MAEL: variants seen among roughly 807,000 people sequenced by gnomAD.
MAEL encodes the protein protein maelstrom homolog.
A neutral mutation model predicts 62.0 loss-of-function variants in MAEL; 46 were observed. That is an observed-to-expected ratio of 0.74 (90% CI 0.59 to 0.95). The LOEUF (loss-of-function observed/expected upper bound fraction) is 0.95, where lower values mean the gene tolerates loss of function less well. MAEL is among the 40% of genes least tolerant of loss of function. The pLI is 0.00. For synonymous variants in MAEL, 172 were observed against 175.5 expected (o/e 0.98, Z 0.16); for missense variants, 497 against 526.8 (o/e 0.94, Z 0.55).
At chr1:167,008,389 CT>C (rs1472265090) in intron 8 of MAEL, among the ~76,000 whole-genome samples, 5 of 151,926 alleles carry the variant, frequency 3.3e-5, no homozygotes, top group Non-Finnish European at 5.9e-5. Flanking sequence ...TGTTATATAG[CT>C]TTTCAAAGTT....
In MAEL at chr1:167,004,160, C is replaced by T; in HGVS notation, c.524-20C>T. ...TTTATCTTGCTCAAAGTTTGAACTT[C>T]TCCTTTTTATTTCCCTCAGGTGATT... On this transcript the variant is annotated intron_variant, in intron 5 of 11. Coordinates refer to ENST00000367872, the MANE Select transcript of MAEL (RefSeq NM_032858.3). 5 of 1,596,664 alleles carry T rather than the reference C, an allele frequency of 3.1e-6. 1 individual carries two copies. Among genetic ancestry groups the T allele is most frequent in the South Asian group, 2.3e-5 (2 of 87,112 alleles).
At chr1:167,007,597 G>GTA (rs765678423) in intron 8 of MAEL, among the ~76,000 whole-genome samples, 1 of 55,576 alleles carries the variant, frequency 1.8e-5, no homozygotes, top group Non-Finnish European at 3.4e-5. Flanking sequence ...GTGTGTGTGT[G>GTA]TATGTACACA....
chr1:166,994,025 T>C lies in MAEL; in HGVS notation c.482-3T>C, dbSNP rs764932619. ...CTTCTCAACAAGATATTTTGTATTA[T>C]AGGTGAAATTCCACGAGGATTTCGA... On this transcript the variant is annotated splice_polypyrimidine_tract_variant and splice_region_variant and intron_variant, in intron 4 of 11. Transcript: ENST00000367872. 6 of 1,612,604 alleles carry C rather than the reference T, an allele frequency of 3.7e-6. No homozygotes were observed. In the African/African-American group the frequency reaches 4.0e-5, roughly 11 times the overall value.
chr1:167,020,505 A>G (rs760891849), intron 10 of MAEL, among the ~76,000 whole-genome samples: 5 of 151,266 alleles, frequency 3.3e-5, no homozygotes, highest in Admixed American at 2.0e-4. Context: ...TTAATTTCCT[A>G]CTCTCCTAGA....
chr1:167,017,275 CATAAAAA>C, intron 9 of MAEL, among the ~76,000 whole-genome samples: 1 of 152,182 alleles, frequency 6.6e-6, no homozygotes, highest in East Asian at 1.9e-4. Context: ...ACTATGTACT[CATAAAAA>C]ATAAAAATAA....
At chr1:166,990,065 C>T in intron 2 of MAEL, 1 of 470,108 alleles carries the variant, frequency 2.1e-6, no homozygotes, top group Non-Finnish European at 3.8e-6. Context: ...CTGGGGAATT[C>T]CTGTTAGGAA....
Position 166,992,861 on chromosome 1 carries a change from G to A in MAEL, c.481+20G>A. The A allele has an allele frequency of 6.4e-7, 1 of 1,552,538 alleles. No individual in the cohort carries two copies. The highest frequency in any genetic ancestry group is 8.6e-7 in the Non-Finnish European group (1 of 1,158,178). On this transcript the variant is annotated intron_variant, in intron 4 of 11. Coordinates refer to ENST00000367872, the MANE Select transcript of MAEL (RefSeq NM_032858.3). ...ATCCTGGTAAGTAGTCAGAGTAGAT[G>A]CTAGATCTTAAACGTGTATGGTTTT... is the stretch of plus-strand genomic sequence containing the variant.
At chr1:166,998,906 G>A (rs181046445) in intron 5 of MAEL, among the ~76,000 whole-genome samples, 20 of 152,254 alleles carry the variant, frequency 1.3e-4, no homozygotes, top group Admixed American at 1.2e-3. Context: ...TCTGTGATCA[G>A]TGATCCTTGA....
intron 1 of MAEL, among the ~76,000 whole-genome samples, chr1:166,981,456 C>T (rs183135905): frequency 6.6e-6 from 1 of 152,122 alleles, no homozygotes; most frequent in African/African-American, 2.4e-5. Flanking sequence ...CCCCTTATGT[C>T]AAATAGCTTA....
intron 8 of MAEL, among the ~76,000 whole-genome samples, chr1:167,007,841 T>C (rs1487878452): frequency 6.6e-6 from 1 of 152,136 alleles, no homozygotes; most frequent in Non-Finnish European, 1.5e-5. Context: ...GTTTAGAGTT[T>C]GTTTATAATC....
intron 3 of MAEL, among the ~76,000 whole-genome samples, chr1:166,992,213 A>G (rs1664206776): frequency 4.6e-5 from 7 of 152,174 alleles, no homozygotes; most frequent in Admixed American, 4.6e-4. Flanking sequence ...ACATTCTCAC[A>G]TTCCTTTATT....
chr1:167,012,684 G>C (rs1665218210), intron 8 of MAEL, among the ~76,000 whole-genome samples: 1 of 152,222 alleles, frequency 6.6e-6, no homozygotes, highest in Non-Finnish European at 1.5e-5. Context: ...CCACTTTATA[G>C]AATGGTCAAG....
At chr1:167,013,446 C>T (rs1557986216) in intron 8 of MAEL, among the ~76,000 whole-genome samples, 2 of 152,114 alleles carry the variant, frequency 1.3e-5, no homozygotes, top group African/African-American at 2.4e-5. Context: ...TCATCAGTGT[C>T]GATGAGGGTT....
In MAEL at chr1:166,991,422, A is replaced by C; in HGVS notation, c.270A>C (p.Pro90=). 6.2e-7 allele frequency: 1 copy of C among 1,613,568 alleles called. No individual in the cohort carries two copies. Among genetic ancestry groups the C allele is most frequent in the Non-Finnish European group, 8.5e-7 (1 of 1,179,574 alleles). Reference sequence around the variant, plus strand: ...TGAGGAGGCCAGGCATGCTTGTACCAAAGCAGAATGTTTCACCTCCAGATA... The same window carrying C: ...TGAGGAGGCCAGGCATGCTTGTACCCAAGCAGAATGTTTCACCTCCAGATA... The part of the protein sequence containing the change: ...TPLRRPGMLV[P]KQNVSPPDMS... The change falls in exon 3 of 12, where the codon CCA becomes CCC. Residue 90 remains proline (P), a synonymous_variant. Coordinates refer to ENST00000367872, the MANE Select transcript of MAEL (RefSeq NM_032858.3).
At chr1:166,984,400 G>A (rs1663853647), upstream of MAEL, among the ~76,000 whole-genome samples, 1 of 152,038 alleles carries the variant, frequency 6.6e-6, no homozygotes. Flanking sequence ...CTTAAATAGA[G>A]TAGATCTCAA....
chr1:167,011,012 T>C (rs1346544452), intron 8 of MAEL, among the ~76,000 whole-genome samples: 5 of 152,122 alleles, frequency 3.3e-5, no homozygotes, highest in Admixed American at 1.3e-4. Flanking sequence ...CTTTTTTTTT[T>C]CTACCTAATT....
At chr1:167,008,199 C>T (rs1236099881) in intron 8 of MAEL, among the ~76,000 whole-genome samples, 1 of 152,032 alleles carries the variant, frequency 6.6e-6, no homozygotes, top group African/African-American at 2.4e-5. Context: ...ACTTTTGTGT[C>T]TTTCAAATAT....
intron 8 of MAEL, among the ~76,000 whole-genome samples, chr1:167,011,162 G>C (rs893623940): frequency 2.0e-5 from 3 of 152,014 alleles, no homozygotes; most frequent in African/African-American, 7.2e-5. Context: ...TTTAATCTTA[G>C]GCTCTCCATT....
chr1:166,992,529 C>CGGCTGATTGGTTTTCTCTT (rs1353398915), intron 3 of MAEL, among the ~76,000 whole-genome samples, 157 bp from the exon 4 acceptor site: 1 of 152,032 alleles, frequency 6.6e-6, no homozygotes, highest in Non-Finnish European at 1.5e-5. Flanking sequence ...TTATTTGGTA[C>CGGCTGATTGGTTTTCTCTT]GGCTGATTGG....
Sources: gnomAD v4.1 joint callset for allele counts (sites outside exome capture counted in the v4.1 genomes callset) on GRCh38, gnomAD v4.1.1 for gene constraint, MANE v1.5 for transcripts, NCBI Gene and HGNC (gene_info 2026-07-23, HGNC 2026-07-21) for gene names.